Variants in ANO3 observed in about 807,000 individuals in gnomAD.
ANO3 encodes the protein anoctamin-3.
In ANO3, 99 loss-of-function variants were observed where a neutral mutation model predicts 144.8. The observed-to-expected ratio is 0.68, with a 90% CI of 0.58 to 0.81. The LOEUF is 0.81. Ranked by LOEUF, ANO3 falls within the 30% of genes least tolerant of loss-of-function variation. The probability of loss-of-function intolerance (pLI) is 0.00; values close to 1 mark genes in which losing one functional copy is unlikely to be tolerated. For missense variants in ANO3, 905 were observed against 1,202.2 expected (o/e 0.75, Z 3.66); for synonymous variants, 414 against 392.6 (o/e 1.05, Z -0.64).
chr11:26,516,676 A>G, intron 5 of ANO3, 151 bp from the exon 6 acceptor site: 1 of 481,326 alleles, frequency 2.1e-6, no homozygotes. Context: ...CTTCATTAAG[A>G]TTTTTTTTAT....
intron 7 of ANO3, among the ~76,000 whole-genome samples, chr11:26,530,249 C>T (rs915887049): frequency 6.6e-6 from 1 of 152,154 alleles, no homozygotes; most frequent in Non-Finnish European, 1.5e-5. Flanking sequence ...AGTTAAATAA[C>T]TTGTACAAGT....
At chr11:26,415,285 C>A (rs1857551781) in intron 1 of ANO3, among the ~76,000 whole-genome samples, 1 of 151,998 alleles carries the variant, frequency 6.6e-6, no homozygotes, top group Admixed American at 6.6e-5. Context: ...GCTATTGAAA[C>A]CTATCCATTC....
At chr11:26,427,063 GT>G in intron 1 of ANO3, 1 of 169,684 alleles carries the variant, frequency 5.9e-6, no homozygotes, top group Admixed American at 5.9e-5. Flanking sequence ...TTGCTATAGT[GT>G]TTTAGCTTGT....
chr11:26,248,406 G>A (rs1852848753), intron 1 of ANO3, among the ~76,000 whole-genome samples: 1 of 152,022 alleles, frequency 6.6e-6, no homozygotes, highest in Non-Finnish European at 1.5e-5. Flanking sequence ...CTTCCAAGCT[G>A]ATCTCTTTCA....
chr11:26,314,805 T>C (rs1854583199), intron 1 of ANO3, among the ~76,000 whole-genome samples: 1 of 152,170 alleles, frequency 6.6e-6, no homozygotes, highest in Non-Finnish European at 1.5e-5. Context: ...GTTTTTCTCT[T>C]ATCTCTATTT....
At chr11:26,192,700 T>C (rs957850521) in intron 1 of ANO3, among the ~76,000 whole-genome samples, 16 of 152,066 alleles carry the variant, frequency 1.1e-4, no homozygotes, top group African/African-American at 3.9e-4. Flanking sequence ...GTCACACATA[T>C]AGTAAGTGTG....
intron 6 of ANO3, among the ~76,000 whole-genome samples, chr11:26,517,759 G>A (rs1285018051): frequency 6.6e-6 from 1 of 152,002 alleles, no homozygotes; most frequent in Admixed American, 6.6e-5. Flanking sequence ...GCATAAAAGA[G>A]TCCAACTCTG....
At chr11:26,463,434 C>T (rs1050472364) in intron 4 of ANO3, among the ~76,000 whole-genome samples, 1 of 151,816 alleles carries the variant, frequency 6.6e-6, no homozygotes, top group Non-Finnish European at 1.5e-5. Flanking sequence ...TCTTTCTTAG[C>T]ATGACTTAAT....
intron 1 of ANO3, among the ~76,000 whole-genome samples, chr11:26,410,578 T>C (rs1051734050): frequency 2.0e-5 from 3 of 151,964 alleles, no homozygotes; most frequent in African/African-American, 7.2e-5. Context: ...TGTAGAAACA[T>C]CTTTAGTTTA....
intron 1 of ANO3, among the ~76,000 whole-genome samples, chr11:26,375,517 A>G (rs1856381404): frequency 6.6e-6 from 1 of 152,218 alleles, no homozygotes; most frequent in Non-Finnish European, 1.5e-5. Context: ...TTTACAAGCC[A>G]GAATGAATCG....
chr11:26,611,898 A>G lies in ANO3; in HGVS notation c.1836+12184A>G, dbSNP rs533481773. Among the ~76,000 whole-genome samples, 13 of 151,774 alleles carry G rather than the reference A, an allele frequency of 8.6e-5. No individual in the cohort carries two copies. In the East Asian group the frequency reaches 1.7e-3, roughly 20 times the overall value. ...TTTTACAGTTTTTGACTTAAAGTCT[A>G]TTTCATCTCATATAAGTATGGCTAT... On this transcript the variant is annotated intron_variant, in intron 17 of 26. Coordinates refer to ENST00000256737, the MANE Select transcript of ANO3 (RefSeq NM_031418.4).
chr11:26,588,526 A>G (rs1475084065), intron 14 of ANO3, among the ~76,000 whole-genome samples: 1 of 152,216 alleles, frequency 6.6e-6, no homozygotes, highest in Non-Finnish European at 1.5e-5. Context: ...TAATGCTATT[A>G]CCTTCAAGCT....
chr11:26,421,056 G>A (rs1857736837), intron 1 of ANO3, among the ~76,000 whole-genome samples: 1 of 151,974 alleles, frequency 6.6e-6, no homozygotes, highest in African/African-American at 2.4e-5. Context: ...AAGTTTCTAA[G>A]TCCTTTGTGA....
chr11:26,537,365 T>G (rs368302855), intron 9 of ANO3, 41 bp from the exon 10 acceptor site: 29 of 1,501,552 alleles, frequency 1.9e-5, no homozygotes, highest in Non-Finnish European at 2.7e-5. Context: ...AAATGTTTCA[T>G]TGAAACTAAC....
chr11:26,206,852 T>A (rs36044225), intron 1 of ANO3, among the ~76,000 whole-genome samples: 45,786 of 151,916 alleles, frequency 0.3, 7,587 homozygotes, highest in Non-Finnish European at 0.37. Context: ...CGTTTCAGTT[T>A]ATTATAGGTA....
intron 1 of ANO3, among the ~76,000 whole-genome samples, chr11:26,190,096 G>A (rs1440099753): frequency 6.6e-6 from 1 of 152,126 alleles, no homozygotes; most frequent in Non-Finnish European, 1.5e-5. Context: ...GCCATAATTT[G>A]TTTATCCTTC....
intron 1 of ANO3, among the ~76,000 whole-genome samples, chr11:26,381,859 T>A (rs909319745): frequency 2.0e-5 from 3 of 152,214 alleles, no homozygotes; most frequent in African/African-American, 7.2e-5. Flanking sequence ...GAGCAAAGAA[T>A]TGGTATTTTA....
intron 1 of ANO3, among the ~76,000 whole-genome samples, chr11:26,205,858 C>A (rs1851786271): frequency 6.6e-6 from 1 of 152,158 alleles, no homozygotes; most frequent in African/African-American, 2.4e-5. Context: ...TTTATACCGG[C>A]ACATGTTAAA....
At chr11:26,371,662 C>T (rs576085275) in intron 1 of ANO3, among the ~76,000 whole-genome samples, 80 of 152,346 alleles carry the variant, frequency 5.3e-4, no homozygotes, top group African/African-American at 1.9e-3. Flanking sequence ...GGGAGCCCAC[C>T]TCTTGCATTA....
Sources: allele counts gnomAD v4.1 joint callset (sites outside exome capture counted in the v4.1 genomes callset), GRCh38; gene constraint gnomAD v4.1.1; transcripts MANE v1.5; gene names NCBI Gene and HGNC (gene_info 2026-07-23, HGNC 2026-07-21).